The following GINM1 variants were observed in gnomAD, a reference collection of about 807,000 sequenced individuals.
The protein encoded by GINM1 is glycoprotein integral membrane protein 1.
Under a neutral mutation model 37.8 loss-of-function variants are expected in GINM1, and 29 were observed. The observed-to-expected ratio is 0.77, with a 90% CI of 0.57 to 1.05. GINM1 has a LOEUF of 1.05. Among genes scored for constraint, GINM1 ranks in the 50% least tolerant of loss-of-function variants. The pLI is 0.00. For missense variants in GINM1, 377 were observed against 397.9 expected (o/e 0.95, Z 0.45); for synonymous variants, 143 against 146.2 (o/e 0.98, Z 0.16).
rs368873283 is a variant in GINM1, at chr6:149,587,228, G to A, written c.882-3499G>A. ...ACTCTGACACTCTGGAGTACTTCAC[G>A]TTTGGGCACCAATACGTGTGTGGGG... On this transcript the variant is annotated intron_variant, in intron 7 of 7. Transcript: ENST00000367419. Among the ~76,000 whole-genome samples, 12 of 152,258 alleles carry A rather than the reference G, an allele frequency of 7.9e-5. No homozygotes were observed. The East Asian group carries it at 9.6e-4, about 12-fold the overall frequency.
intron 1 of GINM1, among the ~76,000 whole-genome samples, chr6:149,569,096 C>T (rs995757446): frequency 6.6e-6 from 1 of 152,222 alleles, no homozygotes; most frequent in Non-Finnish European, 1.5e-5. Flanking sequence ...GGCATGATCT[C>T]GGCTCACTGC....
rs757284421 is a variant in GINM1, at chr6:149,590,774, TC to T, written c.930del (p.Asn311ThrfsTer61). On this transcript the variant is annotated frameshift_variant, in exon 8 of 8. Transcript: ENST00000367419. LOFTEE classifies it high-confidence loss of function. ...GTGGACGTCATACCTGTGACAGCTA[TC>T]AACTTATATCCAGATGGTCCAGAGA... ...DKVDVIPVTA[I>X]NLYPDGPEKR... 1 of 1,605,630 alleles carries T rather than the reference TC, an allele frequency of 6.2e-7. No individual in the cohort carries two copies. Among genetic ancestry groups the T allele is most frequent in the Non-Finnish European group, 8.5e-7 (1 of 1,172,654 alleles).
At chr6:149,574,083 T>G (rs1379916138) in intron 3 of GINM1, among the ~76,000 whole-genome samples, 2 of 148,970 alleles carry the variant, frequency 1.3e-5, no homozygotes, top group Admixed American at 6.7e-5. Flanking sequence ...GAGTTTTTGC[T>G]CTTGTTGTCC....
rs556339022 is a variant in GINM1, at chr6:149,576,450, T to A, written c.278-2372T>A. 4 of 152,326 alleles carry A rather than the reference T, an allele frequency of 2.6e-5. No homozygotes were observed. In the East Asian group the frequency reaches 7.7e-4, roughly 29 times the overall value. 9.4% of individuals were successfully genotyped at this position (152,326 alleles called of 1,614,324 possible). ...TCCATCACTTGGGCTATGCTCTGTTTGTTAGAAACGAGTCACTAGGCTGTG... is the reference window on the plus strand; with the variant it reads ...TCCATCACTTGGGCTATGCTCTGTTAGTTAGAAACGAGTCACTAGGCTGTG... On this transcript the variant is annotated intron_variant, in intron 3 of 7. Transcript: ENST00000367419.
chr6:149,581,309 C>T (rs1299785145), intron 6 of GINM1, among the ~76,000 whole-genome samples: 1 of 152,160 alleles, frequency 6.6e-6, no homozygotes, highest in African/African-American at 2.4e-5. Flanking sequence ...CAGGCACACG[C>T]TACCACGCCC....
chr6:149,589,005 T>C (rs1778113505), intron 7 of GINM1, among the ~76,000 whole-genome samples: 1 of 152,138 alleles, frequency 6.6e-6, no homozygotes, highest in South Asian at 2.1e-4. Context: ...GGTTTCACCA[T>C]GTTGGCCAGG....
chr6:149,588,347 T>C (rs922161678), intron 7 of GINM1, among the ~76,000 whole-genome samples: 2 of 152,258 alleles, frequency 1.3e-5, no homozygotes, highest in Admixed American at 1.3e-4. Context: ...CTTGCTTACG[T>C]AGAGCCTCTG....
At chr6:149,570,361 A>G (rs867482221) in intron 1 of GINM1, among the ~76,000 whole-genome samples, 5 of 151,682 alleles carry the variant, frequency 3.3e-5, no homozygotes, top group East Asian at 1.9e-4. Flanking sequence ...ATATGACTTG[A>G]ATTTGGACAC....
intron 1 of GINM1, among the ~76,000 whole-genome samples, chr6:149,570,556 T>C (rs1777804007): frequency 6.6e-6 from 1 of 152,204 alleles, no homozygotes; most frequent in South Asian, 2.1e-4. Flanking sequence ...AAATGTATGA[T>C]GTTGGTCTTG....
chr6:149,579,366 A>C (rs1385469524), intron 4 of GINM1, among the ~76,000 whole-genome samples: 1 of 152,238 alleles, frequency 6.6e-6, no homozygotes. Flanking sequence ...TTGCAAGTTA[A>C]GTGCCCCAAA....
At chr6:149,573,267 T>C (rs1690651374) in intron 3 of GINM1, among the ~76,000 whole-genome samples, 1 of 152,110 alleles carries the variant, frequency 6.6e-6, no homozygotes, top group South Asian at 2.1e-4. Flanking sequence ...ATCACGCCAC[T>C]GCACTCTAGC....
At chr6:149,586,335 A>G (rs1396924746) in intron 7 of GINM1, among the ~76,000 whole-genome samples, 1 of 152,188 alleles carries the variant, frequency 6.6e-6, no homozygotes, top group Non-Finnish European at 1.5e-5. Context: ...TCTCCAGGGA[A>G]TGAATAATGA....
rs535417334 is a variant in GINM1, at chr6:149,588,795, TTTGTTGTTG to T, written c.882-1913_882-1905del. 6.6e-5 allele frequency among the ~76,000 whole-genome samples: 10 copies of T among 150,958 alleles called. No homozygotes were observed. In the East Asian group the frequency reaches 9.9e-4, roughly 15 times the overall value. Reference sequence around the variant, plus strand: ...GGCACTTGCCACCCTGCCTGGCTAATTTGTTGTTGTTGTTGTTGTTGTTGTTGAGACACA... The same window carrying T: ...GGCACTTGCCACCCTGCCTGGCTAATTTGTTGTTGTTGTTGTTGAGACACA... On this transcript the variant is annotated intron_variant, in intron 7 of 7. Transcript: ENST00000367419.
At chr6:149,570,063 T>G (rs1777786015) in intron 1 of GINM1, among the ~76,000 whole-genome samples, 1 of 148,468 alleles carries the variant, frequency 6.7e-6, no homozygotes, top group African/African-American at 2.5e-5. Flanking sequence ...TTGTACTTGG[T>G]TCTCTGGAAA....
chr6:149,575,385 G>A (rs1433310340), intron 3 of GINM1, among the ~76,000 whole-genome samples: 1 of 152,226 alleles, frequency 6.6e-6, no homozygotes. Context: ...GCATAGCTTA[G>A]CATTTTTGTT....
Position 149,572,126 on chromosome 6 carries a change from G to A in GINM1, c.121-159G>A, listed in dbSNP as rs114124895. On this transcript the variant is annotated intron_variant, in intron 1 of 7. Transcript: ENST00000367419. ...ATAATTGGAATTGTAAATAAGGGTGGAAAAATGGCTATAAAATGGAAAAGA... is the reference window on the plus strand; with the variant it reads ...ATAATTGGAATTGTAAATAAGGGTGAAAAAATGGCTATAAAATGGAAAAGA... Among the ~76,000 whole-genome samples, 1,210 of 152,000 alleles carry A rather than the reference G, an allele frequency of 8.0e-3. 19 individuals are homozygous for A. Among genetic ancestry groups the A allele is most frequent in the African/African-American group, 0.028 (1,156 of 41,458 alleles).
In GINM1 at chr6:149,580,010, T is replaced by A; in HGVS notation, c.586+20T>A. The A allele has an allele frequency of 1.4e-6, 2 of 1,468,972 alleles. No homozygotes were observed. The highest frequency in any genetic ancestry group is 1.9e-6 in the Non-Finnish European group (2 of 1,068,160). The allele number at this position is 1,468,972 out of a possible 1,614,324, so 91.0% of individuals were successfully genotyped here. A position where few individuals can be genotyped will look rare whatever the true frequency, so the allele number is the denominator to read the frequency against. On this transcript the variant is annotated intron_variant, in intron 5 of 7. Transcript: ENST00000367419. ...AAAAAGGTAACTTAAAAGACCATTA[T>A]TTAAAGTATTAAGGAGATTATTTAT...
chr6:149,578,463 T>C (rs955556563), intron 3 of GINM1, among the ~76,000 whole-genome samples: 8 of 147,304 alleles, frequency 5.4e-5, no homozygotes, highest in African/African-American at 2.0e-4. Context: ...GAGGCAAAGG[T>C]TGCAGTGAGC....
At chr6:149,582,404 T>C (rs1306911407) in intron 6 of GINM1, 36 bp from the exon 7 acceptor site, 3 of 1,554,078 alleles carry the variant, frequency 1.9e-6, no homozygotes, top group Non-Finnish European at 2.6e-6. Flanking sequence ...TAGAGATTGA[T>C]GCAACTTGCA....
Sources: allele counts gnomAD v4.1 joint callset (sites outside exome capture counted in the v4.1 genomes callset), GRCh38; gene constraint gnomAD v4.1.1; transcripts MANE v1.5; gene names NCBI Gene and HGNC (gene_info 2026-07-23, HGNC 2026-07-21).